The following GTF2A1 variants were observed in gnomAD, a reference collection of about 807,000 sequenced individuals.
GTF2A1 encodes the protein transcription initiation factor IIA subunit 1.
A neutral mutation model predicts 54.1 loss-of-function variants in GTF2A1; 12 were observed. The observed-to-expected ratio is 0.22, with a 90% CI of 0.14 to 0.36. The LOEUF is 0.36. GTF2A1 is among the 10% of genes least tolerant of loss of function. The pLI, the probability that GTF2A1 is intolerant of heterozygous loss-of-function variation, is 1.00. For synonymous variants in GTF2A1, 145 were observed against 152.0 expected (o/e 0.95, Z 0.34); for missense variants, 335 against 442.2 (o/e 0.76, Z 2.17).
At chr14:81,211,894 T>C in intron 2 of GTF2A1, among the ~76,000 whole-genome samples, 1 of 140,266 alleles carries the variant, frequency 7.1e-6, no homozygotes, top group Non-Finnish European at 1.5e-5. Flanking sequence ...TATATATATA[T>C]ATATATATAT....
rs114758831 is a variant in GTF2A1 at position 81,182,651 on chromosome 14, A to C, written c.1024-2321T>G. 1.2e-3 allele frequency among the ~76,000 whole-genome samples: 187 copies of C among 152,278 alleles called. 1 individual carries two copies. Among genetic ancestry groups the C allele is most frequent in the African/African-American group, 4.1e-3 (172 of 41,558 alleles). On this transcript the variant is annotated intron_variant, in intron 8 of 8. Coordinates refer to ENST00000553612, the MANE Select transcript of GTF2A1 (RefSeq NM_015859.4). Reference sequence around the variant, plus strand: ...TTTCAGCAACCTCTGCTTCCTCCTCATATTATGCTCTCTACAAAGAAAGCA... The same window carrying C: ...TTTCAGCAACCTCTGCTTCCTCCTCCTATTATGCTCTCTACAAAGAAAGCA...
At chr14:81,192,925 A>C in intron 6 of GTF2A1, 86 bp from the exon 7 acceptor site, 1 of 783,924 alleles carries the variant, frequency 1.3e-6, no homozygotes, top group Non-Finnish European at 2.1e-6. Context: ...CTTAAGATTC[A>C]CCAGAATGGC....
chr14:81,195,983 G>C (rs1892983843), intron 6 of GTF2A1, 125 bp downstream of exon 6: 1 of 778,030 alleles, frequency 1.3e-6, no homozygotes, highest in South Asian at 1.7e-5. Context: ...GGAGAAATTT[G>C]AAACAACTGG....
In GTF2A1 at chr14:81,216,429, A is replaced by G; in HGVS notation, c.116T>C (p.Leu39Pro). ...CAAACTCACAGTTTTTAGTTCCATC[A>G]GTACTTGTTCATCCACTCCATCATC... is the stretch of plus-strand genomic sequence containing the variant. ...FLDDGVDEQV[L>P]MELKTLWENK... is the part of the protein sequence containing the mutation. The change falls in exon 2 of 9, where the codon CTG becomes CCG. Residue 39 changes from leucine to proline, a missense_variant. Physicochemically the swap from Leu to Pro is moderately conservative, Grantham distance 98. Transcript: ENST00000553612. 7.1e-7 allele frequency: 1 copy of G among 1,408,576 alleles called. No individual in the cohort carries two copies. Among genetic ancestry groups the G allele is most frequent in the Non-Finnish European group, 1.0e-6 (1 of 994,500 alleles). The allele number at this position is 1,408,576 out of a possible 1,614,324, so 87.3% of individuals were successfully genotyped here. A position where few individuals can be genotyped will look rare whatever the true frequency, so the allele number is the denominator to read the frequency against.
intron 2 of GTF2A1, among the ~76,000 whole-genome samples, chr14:81,209,125 T>C (rs1423616638): frequency 1.3e-5 from 2 of 152,108 alleles, no homozygotes; most frequent in Non-Finnish European, 2.9e-5. Context: ...TTTGGCTGTG[T>C]CCCCACCAAA....
chr14:81,188,702 G>A (rs969088555), intron 7 of GTF2A1, among the ~76,000 whole-genome samples: 3 of 151,186 alleles, frequency 2.0e-5, no homozygotes, highest in Non-Finnish European at 2.9e-5. Flanking sequence ...GTGTGAACCC[G>A]GGAGGCTGAG....
In GTF2A1 at chr14:81,199,710, TA is replaced by T. The variant is rs548143883; in HGVS notation, c.402+1883del. Among the ~76,000 whole-genome samples, 991 of 152,280 alleles carry T rather than the reference TA, an allele frequency of 6.5e-3. 6 individuals are homozygous for T. The highest frequency in any genetic ancestry group is 0.01 in the Non-Finnish European group (698 of 68,002). ...CTGAGTAACTGACCTATGATTTGTT[TA>T]AATACATATGCTCTTTAGAATAAAG... On this transcript the variant is annotated intron_variant, in intron 4 of 8. Coordinates refer to ENST00000553612, the MANE Select transcript of GTF2A1 (RefSeq NM_015859.4).
intron 3 of GTF2A1, 148 bp downstream of exon 3, chr14:81,203,752 C>G: frequency 1.6e-6 from 1 of 641,518 alleles, no homozygotes; most frequent in Non-Finnish European, 2.7e-6. Flanking sequence ...GGAAAAAGCC[C>G]GAAATCAACA....
rs746407108 is a variant in GTF2A1 at position 81,175,921 on chromosome 14, A to G, written c.*4302T>C. 6.6e-6 allele frequency: 1 copy of G among 152,170 alleles called. No homozygotes were observed. The highest frequency in any genetic ancestry group is 2.4e-5 in the African/African-American group (1 of 41,444). The allele number at this position is 152,170 out of a possible 1,614,324, so 9.4% of individuals were successfully genotyped here. A position where few individuals can be genotyped will look rare whatever the true frequency, so the allele number is the denominator to read the frequency against. On this transcript the variant is annotated 3_prime_UTR_variant, in exon 9 of 9. Transcript: ENST00000553612. ...AACCTAAATTCCTGTGTGCCTGGAA[A>G]ATACAACTTTTTAAAAGCTAGTATT...
At chr14:81,216,282 T>A in intron 2 of GTF2A1, 131 bp downstream of exon 2, 4 of 578,844 alleles carry the variant, frequency 6.9e-6, no homozygotes, top group Non-Finnish European at 9.4e-6. Flanking sequence ...ATGGCAGAGT[T>A]GGGATTTAAA....
chr14:81,208,036 G>A (rs1002362144), intron 2 of GTF2A1, among the ~76,000 whole-genome samples: 8 of 152,208 alleles, frequency 5.3e-5, no homozygotes, highest in African/African-American at 1.4e-4. Context: ...AGAAATTCAA[G>A]CTGGCTGGAG....
In GTF2A1 at chr14:81,220,592, C is replaced by T. The variant is rs1202512987; in HGVS notation, c.-74G>A. 9.1e-7 allele frequency: 1 copy of T among 1,095,136 alleles called. No homozygotes were observed. Among genetic ancestry groups the T allele is most frequent in the Non-Finnish European group, 1.3e-6 (1 of 790,870 alleles). The allele number at this position is 1,095,136 out of a possible 1,614,324, so 67.8% of individuals were successfully genotyped here. A position where few individuals can be genotyped will look rare whatever the true frequency, so the allele number is the denominator to read the frequency against. ...AAAAACAAAACCAAAAAAAAAAAAA[C>T]TATAACACCCGGAGGGTGACCCAAA... On this transcript the variant is annotated 5_prime_UTR_variant, in exon 1 of 9. Coordinates refer to ENST00000553612, the MANE Select transcript of GTF2A1 (RefSeq NM_015859.4).
At chr14:81,197,163 T>G in intron 5 of GTF2A1, 2 of 309,636 alleles carry the variant, frequency 6.5e-6, no homozygotes, top group Non-Finnish European at 1.2e-5. Context: ...ATAATCATAC[T>G]TCAATAATAG....
intron 2 of GTF2A1, among the ~76,000 whole-genome samples, chr14:81,205,240 C>T (rs942540091): frequency 1.8e-4 from 28 of 152,086 alleles, no homozygotes; most frequent in African/African-American, 5.6e-4. Flanking sequence ...AGATTATAGG[C>T]GTGAGCCACC....
At position 81,176,627 on chromosome 14, in the gene GTF2A1, G is replaced by A. The variant is rs1892534586; in HGVS notation, c.*3596C>T. The A allele has an allele frequency of 1.3e-5, 2 of 152,066 alleles. No individual in the cohort carries two copies. The highest frequency in any genetic ancestry group is 2.1e-4 in the South Asian group (1 of 4,836). The allele number at this position is 152,066 out of a possible 1,614,324, so 9.4% of individuals were successfully genotyped here. On this transcript the variant is annotated 3_prime_UTR_variant, in exon 9 of 9. Coordinates refer to ENST00000553612, the MANE Select transcript of GTF2A1 (RefSeq NM_015859.4). ...TTAAAAAGGGAACAATATAAACTTC[G>A]TAATAATTTTCATAGCATAATAGAG...
At chr14:81,208,916 T>C (rs1157095635) in intron 2 of GTF2A1, among the ~76,000 whole-genome samples, 1 of 152,220 alleles carries the variant, frequency 6.6e-6, no homozygotes, top group Non-Finnish European at 1.5e-5. Context: ...CCATTGTATC[T>C]AGGAAGTAAC....
intron 1 of GTF2A1, among the ~76,000 whole-genome samples, chr14:81,220,213 GGGCCCAACCGCCTCCGCGGCCC>G (rs1223193680): frequency 8.0e-6 from 1 of 124,662 alleles, no homozygotes; most frequent in Non-Finnish European, 1.7e-5. Flanking sequence ...GCGCCCGACC[GGGCCCAACCGCCTCCGCGGCCC>G]GGCCCGGCCC....
intron 7 of GTF2A1, among the ~76,000 whole-genome samples, 191 bp downstream of exon 7, chr14:81,192,328 T>C: frequency 6.6e-6 from 1 of 152,228 alleles, no homozygotes; most frequent in East Asian, 1.9e-4. Flanking sequence ...AGTTATATTT[T>C]ATGAAGATAA....
chr14:81,207,147 C>CTACG (rs1202480994), intron 2 of GTF2A1, among the ~76,000 whole-genome samples: 1 of 40,012 alleles, frequency 2.5e-5, no homozygotes, highest in African/African-American at 6.2e-5. Context: ...ACGTACCTAC[C>CTACG]TACCTACCTA....
Sources: allele counts gnomAD v4.1 joint callset (sites outside exome capture counted in the v4.1 genomes callset), GRCh38; gene constraint gnomAD v4.1.1; transcripts MANE v1.5; gene names NCBI Gene and HGNC (gene_info 2026-07-23, HGNC 2026-07-21).